The following SULT1C4 variants were observed in gnomAD, a reference collection of about 807,000 sequenced individuals.
The protein encoded by SULT1C4 is sulfotransferase family 1C member 4, also known as sulfotransferase 1C4.
SULT1C4 carries 32 observed loss-of-function variants against 34.8 expected under a neutral mutation model. The ratio of observed to expected loss-of-function variants is 0.92; its 90% CI spans 0.69 to 1.23. SULT1C4 has a LOEUF of 1.23. Ranked by LOEUF, SULT1C4 falls within the 50% of genes most tolerant of loss-of-function variation. The pLI is 0.00. For synonymous variants in SULT1C4, 111 were observed against 120.5 expected, an observed-to-expected ratio of 0.92 and a Z score of 0.51; for missense variants, 375 against 365.9, an observed-to-expected ratio of 1.02 and a Z score of -0.20.
intron 3 of SULT1C4, 161 bp from the exon 4 acceptor site, chr2:108,382,929 AAAG>A: frequency 2.6e-6 from 1 of 385,486 alleles, no homozygotes; most frequent in Non-Finnish European, 4.0e-6. Context: ...AAAAAAAAAA[AAAG>A]TCTCCCATAA....
chr2:108,386,443 C>A (rs1254772066), intron 6 of SULT1C4, 71 bp downstream of exon 6: 1 of 1,169,684 alleles, frequency 8.5e-7, no homozygotes. Flanking sequence ...GAGGAGTTTT[C>A]TTTCCTGTGT....
intron 1 of SULT1C4, among the ~76,000 whole-genome samples, chr2:108,380,798 G>A (rs948053332): frequency 9.2e-5 from 14 of 152,186 alleles, no homozygotes; most frequent in African/African-American, 3.4e-4. Flanking sequence ...GCTACTATCA[G>A]CAGCCACCAC....
At chr2:108,386,168 C>T (rs1678562201) in intron 5 of SULT1C4, 24 bp from the exon 6 acceptor site, 2 of 1,418,994 alleles carry the variant, frequency 1.4e-6, no homozygotes, top group African/African-American at 2.9e-5. Flanking sequence ...TAAATCATTA[C>T]TTTTCTTTTG....
At chr2:108,385,771 T>C (rs1379168788) in intron 5 of SULT1C4, among the ~76,000 whole-genome samples, 1 of 152,214 alleles carries the variant, frequency 6.6e-6, no homozygotes, top group African/African-American at 2.4e-5. Context: ...CCTCCTGCCA[T>C]CACTGCAGTC....
intron 6 of SULT1C4, 143 bp from the exon 7 acceptor site, chr2:108,387,177 T>C (rs1678588815): frequency 1.7e-6 from 1 of 593,084 alleles, no homozygotes; most frequent in Middle Eastern, 2.9e-4. Context: ...GATAAGGAAG[T>C]GACAGGATAG....
chr2:108,385,227 C>T (rs755571221), intron 5 of SULT1C4, among the ~76,000 whole-genome samples: 4 of 152,194 alleles, frequency 2.6e-5, no homozygotes, highest in Non-Finnish European at 5.9e-5. Context: ...TGTTTCCCTA[C>T]AGCATGTATC....
In SULT1C4 at chr2:108,383,125, C is replaced by T; in HGVS notation, c.426C>T (p.Asn142=). Residue 142 remains asparagine (N), a synonymous_variant, in exon 4 of 7, where the codon AAC becomes AAT. Transcript: ENST00000272452. Reference sequence around the variant, plus strand: ...ATGTAGCAAGAAATCCCAAGGACAACATGGTGTCCTATTACCATTTCCAAA... The same window carrying T: ...ATGTAGCAAGAAATCCCAAGGACAATATGGTGTCCTATTACCATTTCCAAA... The part of the protein sequence containing the change: ...IIYVARNPKD[N]MVSYYHFQRM... 4 of 1,609,636 alleles carry T rather than the reference C, an allele frequency of 2.5e-6. No homozygotes were observed. Among genetic ancestry groups the T allele is most frequent in the Non-Finnish European group, 3.4e-6 (4 of 1,178,398 alleles).
chr2:108,385,261 T>C (rs1020476473), intron 5 of SULT1C4, among the ~76,000 whole-genome samples: 3 of 152,354 alleles, frequency 2.0e-5, no homozygotes, highest in East Asian at 3.8e-4. Context: ...AGAAAGGATA[T>C]GTCGCTGGGA....
At chr2:108,381,722 T>C in intron 1 of SULT1C4, 40 bp from the exon 2 acceptor site, 2 of 1,360,746 alleles carry the variant, frequency 1.5e-6, no homozygotes, top group East Asian at 2.7e-5. Context: ...GAATGTACTA[T>C]ACTAGATGTC....
Position 108,383,412 on chromosome 2 carries a change from C to G in SULT1C4, c.521-4C>G. ...ATTGTCCTGTTTTCCATCCCATCCTCCAGTGTGCTGGGGCTCCTGGCATGA... is the reference window on the plus strand; with the variant it reads ...ATTGTCCTGTTTTCCATCCCATCCTGCAGTGTGCTGGGGCTCCTGGCATGA... On this transcript the variant is annotated splice_polypyrimidine_tract_variant and splice_region_variant and intron_variant, in intron 4 of 6. Transcript: ENST00000272452. 2.5e-6 allele frequency: 4 copies of G among 1,613,822 alleles called. No homozygotes were observed. The highest frequency in any genetic ancestry group is 3.4e-6 in the Non-Finnish European group (4 of 1,179,838).
chr2:108,382,056 G>T (rs1246620757), intron 2 of SULT1C4, 169 bp downstream of exon 2: 3 of 724,924 alleles, frequency 4.1e-6, no homozygotes, highest in Non-Finnish European at 2.0e-6. Context: ...ATTTTCTAAT[G>T]GAATTACTGT....
At chr2:108,384,397 A>AT in intron 5 of SULT1C4, among the ~76,000 whole-genome samples, 1 of 151,970 alleles carries the variant, frequency 6.6e-6, no homozygotes, top group East Asian at 1.9e-4. Flanking sequence ...CGCCCGGCTA[A>AT]TTTTTTGTAT....
intron 1 of SULT1C4, among the ~76,000 whole-genome samples, chr2:108,380,459 A>C (rs1678356667): frequency 6.6e-6 from 1 of 152,158 alleles, no homozygotes; most frequent in Non-Finnish European, 1.5e-5. Flanking sequence ...GGCTGCACTG[A>C]GCTAGGATCC....
intron 6 of SULT1C4, 105 bp from the exon 7 acceptor site, chr2:108,387,215 C>A: frequency 1.2e-6 from 1 of 828,126 alleles, no homozygotes; most frequent in South Asian, 1.8e-5. Context: ...CCAATACTGC[C>A]CTTCCTAGAA....
intron 1 of SULT1C4, among the ~76,000 whole-genome samples, chr2:108,379,528 C>G (rs542144432): frequency 6.6e-6 from 1 of 152,134 alleles, no homozygotes; most frequent in Non-Finnish European, 1.5e-5. Flanking sequence ...ATTATCAATT[C>G]AATACATAAA....
intron 1 of SULT1C4, 43 bp downstream of exon 1, chr2:108,378,549 G>C (rs1678306346): frequency 6.3e-7 from 1 of 1,596,204 alleles, no homozygotes. Flanking sequence ...AGGAGAGTTA[G>C]GAAGGTAAGT....
chr2:108,380,612 G>A (rs1678361489), intron 1 of SULT1C4, among the ~76,000 whole-genome samples: 1 of 152,214 alleles, frequency 6.6e-6, no homozygotes, highest in Admixed American at 6.5e-5. Flanking sequence ...CTTCATCAAA[G>A]GGTGAAGATT....
chr2:108,383,027 CAAA>C (rs375960129), intron 3 of SULT1C4, 63 bp from the exon 4 acceptor site: 28,291 of 1,284,104 alleles, frequency 0.022, 262 homozygotes, highest in African/African-American at 0.12. Flanking sequence ...GCAGTAACAG[CAAA>C]AAAAAAAAAA....
intron 1 of SULT1C4, 90 bp from the exon 2 acceptor site, chr2:108,381,668 CAAAA>C (rs1678399456): frequency 7.9e-7 from 1 of 1,271,884 alleles, no homozygotes; most frequent in Admixed American, 3.2e-5. Flanking sequence ...CAAAACAAAA[CAAAA>C]GACATAGATG....
Sources: allele counts gnomAD v4.1 joint callset (sites outside exome capture counted in the v4.1 genomes callset), GRCh38; gene constraint gnomAD v4.1.1; transcripts MANE v1.5; gene names NCBI Gene and HGNC (gene_info 2026-07-23, HGNC 2026-07-21).